FAT4: variants seen among roughly 807,000 people sequenced by gnomAD.
FAT4 encodes the protein FAT atypical cadherin 4.
FAT4 carries 84 observed loss-of-function variants against 303.9 expected under a neutral mutation model. The observed-to-expected ratio is 0.28, with a 90% CI of 0.23 to 0.33. The LOEUF (loss-of-function observed/expected upper bound fraction) is 0.33. FAT4 is among the 10% of genes least tolerant of loss of function. The probability of loss-of-function intolerance (pLI) is 1.00; values close to 1 mark genes in which losing one functional copy is unlikely to be tolerated. For synonymous variants in FAT4, 2,307 were observed against 2,298.8 expected (o/e 1.00, Z -0.10); for missense variants, 6,005 against 6,146.8 (o/e 0.98, Z 0.77).
chr4:125,358,671 C>A (rs1293174808), intron 2 of FAT4, among the ~76,000 whole-genome samples: 1 of 152,114 alleles, frequency 6.6e-6, no homozygotes, highest in African/African-American at 2.4e-5. Context: ...TGAAGCTTCA[C>A]TCCCTTGCTC....
Position 125,320,663 on chromosome 4 carries a change from C to A in FAT4, c.4252C>A (p.Pro1418Thr). The A allele has an allele frequency of 6.2e-7, 1 of 1,613,898 alleles. No individual in the cohort carries two copies. The highest frequency in any genetic ancestry group is 8.5e-7 in the Non-Finnish European group (1 of 1,179,790). Residue 1418 changes from proline to threonine, a missense_variant, in exon 2 of 18, where the codon CCT becomes ACT. By Grantham distance (38) the Pro-to-Thr change is conservative. Coordinates refer to ENST00000394329, the MANE Select transcript of FAT4 (RefSeq NM_001291303.3). ...IHVRDFNDNP[P>T]SFPPGDIFKS... is the part of the protein sequence containing the mutation. The stretch of plus-strand genomic sequence containing the variant: ...CGTGAGGGACTTTAATGACAATCCT[C>A]CTAGCTTTCCTCCTGGAGATATTTT...
At chr4:125,366,190 AC>A (rs1732880802) in intron 2 of FAT4, among the ~76,000 whole-genome samples, 1 of 151,996 alleles carries the variant, frequency 6.6e-6, no homozygotes, top group African/African-American at 2.4e-5. Flanking sequence ...TTATTTCATC[AC>A]CCAGGTATTA....
At chr4:125,380,915 T>G (rs2125998691) in intron 2 of FAT4, among the ~76,000 whole-genome samples, 1 of 152,312 alleles carries the variant, frequency 6.6e-6, no homozygotes, top group East Asian at 1.9e-4. Flanking sequence ...AGTAAACGAT[T>G]ATATCAAACA....
At chr4:125,484,412 T>C (rs1341412764) in intron 16 of FAT4, among the ~76,000 whole-genome samples, 1 of 152,206 alleles carries the variant, frequency 6.6e-6, no homozygotes, top group Non-Finnish European at 1.5e-5. Flanking sequence ...TCTGTAATAA[T>C]AGTAATGTGA....
rs758886805 is a variant in FAT4 at position 125,449,291 on chromosome 4, G to A, written c.8281G>A (p.Val2761Ile). The change falls in exon 10 of 18, where the codon GTC (valine) becomes ATC (isoleucine). Residue 2761 changes from valine (V) to isoleucine (I), a missense_variant. Transcript: ENST00000394329. ...GSPSQSTSVK[V>I]MINILDENDN... ...CCCGTCTCAGAGTACTTCAGTAAAAGTCATGATTAACATTTTAGATGAAAA... is the reference window on the plus strand; with the variant it reads ...CCCGTCTCAGAGTACTTCAGTAAAAATCATGATTAACATTTTAGATGAAAA... 1 of 1,613,890 alleles carries A rather than the reference G, an allele frequency of 6.2e-7. No homozygotes were observed. The highest frequency in any genetic ancestry group is 1.1e-5 in the South Asian group (1 of 91,072).
At chr4:125,346,304 GTTTTTC>G (rs886605030) in intron 2 of FAT4, among the ~76,000 whole-genome samples, 1 of 151,804 alleles carries the variant, frequency 6.6e-6, no homozygotes, top group Non-Finnish European at 1.5e-5. Context: ...CCTTCTTTTT[GTTTTTC>G]AAGTTGGGGT....
Position 125,316,993 on chromosome 4 carries a change from C to T in FAT4, c.582C>T (p.Ser194=), listed in dbSNP as rs1275950028. 2.5e-6 allele frequency: 4 copies of T among 1,613,988 alleles called. No individual in the cohort carries two copies. Among genetic ancestry groups the T allele is most frequent in the Non-Finnish European group, 3.4e-6 (4 of 1,180,018 alleles). The change falls in exon 2 of 18, where the codon AGC becomes AGT. Residue 194 remains serine (S), a synonymous_variant. Coordinates refer to ENST00000394329, the MANE Select transcript of FAT4 (RefSeq NM_001291303.3). This position sits in a 1 kb window ranked among gnomAD's most constrained non-coding sequence, Gnocchi z 5.7. ...GTCTGGACATCACCCTGAACCCGAG[C>T]GGCGAGGGAGCGTTCCTGCATCTGG... ...RFRLDITLNP[S]GEGAFLHLVS... is the part of the protein sequence containing the mutation.
At chr4:125,367,311 T>G (rs538669133) in intron 2 of FAT4, among the ~76,000 whole-genome samples, 1 of 152,274 alleles carries the variant, frequency 6.6e-6, no homozygotes, top group East Asian at 1.9e-4. Context: ...GTACATATAT[T>G]AAATCATTTA....
At chr4:125,345,841 T>A (rs532693900) in intron 2 of FAT4, among the ~76,000 whole-genome samples, 5 of 152,254 alleles carry the variant, frequency 3.3e-5, no homozygotes, top group Middle Eastern at 3.4e-3. Flanking sequence ...TTTTCCCAGC[T>A]GCCTAGCCAA....
Position 125,468,619 on chromosome 4 carries a change from G to A in FAT4, c.12013G>A (p.Ala4005Thr). 6.2e-7 allele frequency: 1 copy of A among 1,614,070 alleles called. No homozygotes were observed. Among genetic ancestry groups the A allele is most frequent in the Non-Finnish European group, 8.5e-7 (1 of 1,180,008 alleles). The change falls in exon 12 of 18, where the codon GCC (alanine) becomes ACC (threonine). Residue 4005 changes from alanine (A) to threonine (T), a missense_variant. Ala to Thr is a moderately conservative substitution (Grantham distance 58, BLOSUM62 0). Transcript: ENST00000394329. ...TAACAACTATATTTATGTCAAATTT[G>A]CCACGATTAAAAGTCATGCCTTATT... ...PNNNYIYVKF[A>T]TIKSHALLLY...
At chr4:125,470,784 G>C (rs12505003) in intron 12 of FAT4, among the ~76,000 whole-genome samples, 1 of 151,994 alleles carries the variant, frequency 6.6e-6, no homozygotes, top group African/African-American at 2.4e-5. Context: ...CAGCAATAAG[G>C]CTGTCTTGCT....
chr4:125,335,814 G>A (rs1303690875), intron 2 of FAT4, among the ~76,000 whole-genome samples: 1 of 151,930 alleles, frequency 6.6e-6, no homozygotes, highest in Non-Finnish European at 1.5e-5. Flanking sequence ...GACTTTAAGG[G>A]AGAAGCCAAA....
Position 125,491,252 on chromosome 4 carries a change from TG to T in FAT4, c.14439del (p.Arg4814GlyfsTer77). On this transcript the variant is annotated frameshift_variant, in exon 18 of 18. Coordinates refer to ENST00000394329, the MANE Select transcript of FAT4 (RefSeq NM_001291303.3). LOFTEE classifies it high-confidence loss of function. Reference sequence around the variant, plus strand: ...ACCCAAGTATCTGCAGTGCAGACCATGGGAGGTCTTCTTCAGAGGAGGACTG... The same window carrying T: ...ACCCAAGTATCTGCAGTGCAGACCATGGAGGTCTTCTTCAGAGGAGGACTG... ...RNPSICSADH[G>X]RSSSEEDCRR... 6.2e-7 allele frequency: 1 copy of T among 1,614,120 alleles called. No homozygotes were observed. Among genetic ancestry groups the T allele is most frequent in the Non-Finnish European group, 8.5e-7 (1 of 1,180,018 alleles).
chr4:125,384,010 TC>T (rs1369897005), intron 2 of FAT4, among the ~76,000 whole-genome samples: 1 of 152,190 alleles, frequency 6.6e-6, no homozygotes, highest in Non-Finnish European at 1.5e-5. Flanking sequence ...TGACTTTATT[TC>T]TTTTTACTGC....
At chr4:125,357,789 G>T (rs1226186121) in intron 2 of FAT4, among the ~76,000 whole-genome samples, 1 of 152,038 alleles carries the variant, frequency 6.6e-6, no homozygotes, top group Non-Finnish European at 1.5e-5. Context: ...CCTCCTAGGG[G>T]GTTGTCATTT....
chr4:125,374,278 G>A (rs11098810), intron 2 of FAT4, among the ~76,000 whole-genome samples: 15,503 of 152,200 alleles, frequency 0.1, 845 homozygotes, highest in Middle Eastern at 0.18. Context: ...ATGTAAATCC[G>A]TAATCACATT....
intron 2 of FAT4, among the ~76,000 whole-genome samples, chr4:125,365,831 G>A (rs962367785): frequency 6.6e-6 from 1 of 152,146 alleles, no homozygotes; most frequent in African/African-American, 2.4e-5. Flanking sequence ...AGAGCTAAAT[G>A]TACAGGTTCG....
rs749029819 is a variant in FAT4 at position 125,321,353 on chromosome 4, G to C, written c.4942G>C (p.Val1648Leu). ...GGAAGGAGAACCCATTGGCACAAACGTGATATCAATAGAAGCAGCTAGCCC... is the reference window on the plus strand; with the variant it reads ...GGAAGGAGAACCCATTGGCACAAACCTGATATCAATAGAAGCAGCTAGCCC... Reference protein sequence around the residue: ...LKEGEPIGTNVISIEAASPRG... With the variant: ...LKEGEPIGTNLISIEAASPRG... Residue 1648 changes from valine to leucine, a missense_variant, in exon 2 of 18, where the codon GTG (valine) becomes CTG (leucine). Val to Leu is a conservative substitution (Grantham distance 32). Coordinates refer to ENST00000394329, the MANE Select transcript of FAT4 (RefSeq NM_001291303.3). 5 of 1,614,130 alleles carry C rather than the reference G, an allele frequency of 3.1e-6. No individual in the cohort carries two copies. The highest frequency in any genetic ancestry group is 4.2e-6 in the Non-Finnish European group (5 of 1,180,000).
rs1734991419 is a variant in FAT4 at position 125,415,077 on chromosome 4, C to T, written c.6114C>T (p.Ser2038=). 1 of 1,613,902 alleles carries T rather than the reference C, an allele frequency of 6.2e-7. No homozygotes were observed. The highest frequency in any genetic ancestry group is 1.1e-5 in the South Asian group (1 of 91,088). The change falls in exon 6 of 18, where the codon TCC becomes TCT. Residue 2038 remains serine (S), a synonymous_variant. Coordinates refer to ENST00000394329, the MANE Select transcript of FAT4 (RefSeq NM_001291303.3). ...GATTCACAAGCACTGCTCAAGTCTC[C>T]ATTATTTTGTTGGATGTAAATGATA... ...ASRFTSTAQV[S]IILLDVNDNP...
Sources: allele counts gnomAD v4.1 joint callset (sites outside exome capture counted in the v4.1 genomes callset), GRCh38; gene constraint gnomAD v4.1.1; non-coding constraint Gnocchi (gnomAD v3.1); transcripts MANE v1.5; gene names NCBI Gene and HGNC (gene_info 2026-07-23, HGNC 2026-07-21).